Variants in ANK3 observed in about 807,000 individuals in gnomAD.
ANK3 encodes ankyrin-3.
In ANK3, 57 loss-of-function variants were observed where a neutral mutation model predicts 370.9. That is an observed-to-expected ratio of 0.15 (90% CI 0.12 to 0.19). The LOEUF (loss-of-function observed/expected upper bound fraction) is 0.19. Ranked by LOEUF, ANK3 falls within the 10% of genes least tolerant of loss-of-function variation. The pLI, the probability that ANK3 is intolerant of heterozygous loss-of-function variation, is 1.00. For missense variants in ANK3, 4,439 were observed against 5,302.1 expected (o/e 0.84, Z 5.06); for synonymous variants, 1,929 against 1,946.3 (o/e 0.99, Z 0.23).
chr10:60,670,614 T>C lies in ANK3; in HGVS notation c.58-55390A>G, dbSNP rs576288725. ...GGAATATCCCTTTTATAAAGCACCATGTCACTCCCTGGCTTTAACCCCTGG... is the reference window on the plus strand; with the variant it reads ...GGAATATCCCTTTTATAAAGCACCACGTCACTCCCTGGCTTTAACCCCTGG... On this transcript the variant is annotated intron_variant, in intron 1 of 43. Coordinates refer to the ANK3 transcript ENST00000373827. Among the ~76,000 whole-genome samples the C allele has an allele frequency of 1.7e-3, 258 of 152,278 alleles. 1 individual carries two copies. The highest frequency in any genetic ancestry group is 3.0e-3 in the Non-Finnish European group (202 of 68,016).
chr10:60,277,575 TC>T (rs1304072327), intron 4 of ANK3, among the ~76,000 whole-genome samples: 4 of 152,202 alleles, frequency 2.6e-5, no homozygotes, highest in Non-Finnish European at 4.4e-5. Flanking sequence ...ATCTCACTTA[TC>T]TTTTTGTCTT....
At chr10:60,517,312 C>T (rs1210723903) in intron 2 of ANK3, among the ~76,000 whole-genome samples, 8 of 152,060 alleles carry the variant, frequency 5.3e-5, no homozygotes, top group Non-Finnish European at 1.2e-4. Context: ...ATACATGCAC[C>T]TTGGCCTCCT....
At chr10:60,425,731 G>A (rs1049931978) in intron 2 of ANK3, among the ~76,000 whole-genome samples, 10 of 152,278 alleles carry the variant, frequency 6.6e-5, no homozygotes, top group East Asian at 3.9e-4. Context: ...TGGCATGACA[G>A]GGAACGGCTG....
intron 1 of ANK3, among the ~76,000 whole-genome samples, chr10:60,721,387 G>A (rs979282603): frequency 6.6e-6 from 1 of 152,194 alleles, no homozygotes; most frequent in African/African-American, 2.4e-5. Flanking sequence ...GAAAAAATAA[G>A]TATAGCATGG....
chr10:60,335,064 A>T (rs1193066592), intron 1 of ANK3, among the ~76,000 whole-genome samples: 1 of 152,118 alleles, frequency 6.6e-6, no homozygotes, highest in East Asian at 1.9e-4. Flanking sequence ...AACTTACACC[A>T]TGTTGAGAAA....
intron 2 of ANK3, among the ~76,000 whole-genome samples, chr10:60,592,725 C>A (rs1430480965): frequency 1.3e-5 from 2 of 152,170 alleles, no homozygotes; most frequent in Non-Finnish European, 2.9e-5. Flanking sequence ...GATCACGCCA[C>A]TGTATCCAGC....
At chr10:60,406,770 T>C (rs1030509800) in intron 2 of ANK3, among the ~76,000 whole-genome samples, 4 of 152,240 alleles carry the variant, frequency 2.6e-5, no homozygotes, top group African/African-American at 9.6e-5. Flanking sequence ...TTACGACAAA[T>C]AAATTAGCTA....
rs2079066732 is a variant in ANK3, at chr10:60,055,848, T to C, written c.12875A>G (p.His4292Arg). The C allele has an allele frequency of 1.2e-6, 2 of 1,614,228 alleles. No individual in the cohort carries two copies. Among genetic ancestry groups the C allele is most frequent in the South Asian group, 1.1e-5 (1 of 91,088 alleles). The change falls in exon 42 of 44, where the codon CAT becomes CGT. Residue 4292 changes from histidine (H) to arginine (R), a missense_variant. His to Arg is a conservative substitution (Grantham distance 29). This residue lies in a region of ANK3 where 242 missense variants were observed against 228.0 expected (regional missense o/e 1.06). Transcript: ENST00000280772. ...TLKPKIHGSGHVEEPASPLAA... is the reference protein window; with the variant it reads ...TLKPKIHGSGRVEEPASPLAA... ...TAGTGGTGATGCTGGTTCTTCAACA[T>C]GACCAGATCCATGTATTTTTGGTTT...
chr10:60,160,905 T>C (rs1182477637), intron 23 of ANK3, among the ~76,000 whole-genome samples: 1 of 152,102 alleles, frequency 6.6e-6, no homozygotes, highest in South Asian at 2.1e-4. Context: ...CAATAAAAGC[T>C]GTAAACAACA....
intron 2 of ANK3, among the ~76,000 whole-genome samples, chr10:60,530,736 T>C (rs915837110): frequency 6.6e-6 from 1 of 152,124 alleles, no homozygotes; most frequent in Admixed American, 6.6e-5. Context: ...TTGGAAGAAG[T>C]GAGTTAACAC....
At chr10:60,583,202 T>A (rs756598494) in intron 2 of ANK3, among the ~76,000 whole-genome samples, 3 of 152,212 alleles carry the variant, frequency 2.0e-5, no homozygotes, top group Non-Finnish European at 4.4e-5. Context: ...TCTTGTCATT[T>A]GCAGCAATGT....
chr10:60,317,860 C>G (rs1341631546), intron 1 of ANK3, among the ~76,000 whole-genome samples: 3 of 152,008 alleles, frequency 2.0e-5, no homozygotes, highest in Non-Finnish European at 2.9e-5. Flanking sequence ...AATACAGGCA[C>G]CTGCCACCAT....
At chr10:60,239,504 C>T in intron 7 of ANK3, among the ~76,000 whole-genome samples, 1 of 151,924 alleles carries the variant, frequency 6.6e-6, no homozygotes, top group East Asian at 1.9e-4. Flanking sequence ...TACTGACTGT[C>T]AAATAAGAAT....
intron 2 of ANK3, among the ~76,000 whole-genome samples, chr10:60,484,869 T>A (rs754256681): frequency 2.2e-4 from 33 of 152,286 alleles, no homozygotes; most frequent in South Asian, 4.1e-4. Context: ...TCCTTTTATA[T>A]CAAGTAAAAT....
chr10:60,281,462 G>C (rs1215070990), intron 1 of ANK3, among the ~76,000 whole-genome samples: 2 of 152,178 alleles, frequency 1.3e-5, no homozygotes, highest in African/African-American at 4.8e-5. Flanking sequence ...TAAATAAACA[G>C]TAACCCAACT....
intron 27 of ANK3, among the ~76,000 whole-genome samples, chr10:60,107,746 TACAC>T (rs147933796): frequency 1.3e-5 from 2 of 151,668 alleles, no homozygotes; most frequent in African/African-American, 4.8e-5. Flanking sequence ...AAGATCTAAT[TACAC>T]ACACACACAC....
chr10:60,363,482 G>C (rs1407427769), intron 1 of ANK3, among the ~76,000 whole-genome samples: 1 of 152,188 alleles, frequency 6.6e-6, no homozygotes, highest in Non-Finnish European at 1.5e-5. Flanking sequence ...GGCCCAGATA[G>C]GGCAAAATAG....
intron 1 of ANK3, among the ~76,000 whole-genome samples, chr10:60,387,857 T>C (rs1045040212): frequency 6.6e-6 from 1 of 152,232 alleles, no homozygotes; most frequent in Non-Finnish European, 1.5e-5. Context: ...TCATCACTGC[T>C]ACCGAAAACT....
intron 7 of ANK3, among the ~76,000 whole-genome samples, chr10:60,240,123 CATAT>C (rs1205095561): frequency 2.4e-5 from 2 of 83,080 alleles, no homozygotes; most frequent in African/African-American, 8.5e-5. Context: ...TATATACACA[CATAT>C]ATATACATAT....
Sources: allele counts gnomAD v4.1 joint callset (sites outside exome capture counted in the v4.1 genomes callset), GRCh38; gene constraint gnomAD v4.1.1; regional missense constraint gnomAD v4.1.1; transcripts MANE v1.5; gene names NCBI Gene and HGNC (gene_info 2026-07-23, HGNC 2026-07-21).